The following DIAPH3 variants were observed in gnomAD, a reference collection of about 807,000 sequenced individuals.
DIAPH3 encodes protein diaphanous homolog 3.
In DIAPH3, 117 loss-of-function variants were observed where a neutral mutation model predicts 144.3. That is an observed-to-expected ratio of 0.81 (90% CI 0.70 to 0.95). The LOEUF (loss-of-function observed/expected upper bound fraction) is 0.95, where lower values mean the gene tolerates loss of function less well. DIAPH3 is among the 40% of genes least tolerant of loss of function. DIAPH3 has a pLI of 0.00. For missense variants in DIAPH3, 1,421 were observed against 1,412.7 expected (o/e 1.01, Z -0.09); for synonymous variants, 519 against 488.9 (o/e 1.06, Z -0.81).
chr13:59,740,103 C>T (rs1348633934), intron 27 of DIAPH3, among the ~76,000 whole-genome samples: 1 of 152,158 alleles, frequency 6.6e-6, no homozygotes, highest in Non-Finnish European at 1.5e-5. Flanking sequence ...AGCAGATATA[C>T]ACCATTCACA....
intron 14 of DIAPH3, among the ~76,000 whole-genome samples, chr13:59,980,183 G>T (rs2050911369): frequency 6.6e-6 from 1 of 151,548 alleles, no homozygotes; most frequent in East Asian, 1.9e-4. Flanking sequence ...AAACAAAACT[G>T]GTTTTGTTTG....
intron 27 of DIAPH3, among the ~76,000 whole-genome samples, chr13:59,717,270 T>C (rs1334693043): frequency 6.6e-6 from 1 of 152,228 alleles, no homozygotes; most frequent in Non-Finnish European, 1.5e-5. Flanking sequence ...GAATAGTATC[T>C]ATACATACCG....
At chr13:59,734,655 C>G (rs2036049444) in intron 27 of DIAPH3, among the ~76,000 whole-genome samples, 1 of 152,204 alleles carries the variant, frequency 6.6e-6, no homozygotes, top group Admixed American at 6.5e-5. Flanking sequence ...CAAAACCTGT[C>G]TGCTTTCAGT....
intron 4 of DIAPH3, among the ~76,000 whole-genome samples, chr13:60,063,129 G>C (rs1444960311): frequency 1.3e-5 from 2 of 152,156 alleles, no homozygotes; most frequent in Non-Finnish European, 2.9e-5. Flanking sequence ...TATCAACTAA[G>C]CTTATGGAAG....
Position 59,861,640 on chromosome 13 carries a change from T to A in DIAPH3, c.2608-104A>T, listed in dbSNP as rs79069347. On this transcript the variant is annotated intron_variant, in intron 21 of 27. Coordinates refer to ENST00000400324, the MANE Select transcript of DIAPH3 (RefSeq NM_001042517.2). Reference sequence around the variant, plus strand: ...GTATTTTGTAGATAAGGACTAAAAGTTGTAAAATTAGTTGATTTCGTTTTT... The same window carrying A: ...GTATTTTGTAGATAAGGACTAAAAGATGTAAAATTAGTTGATTTCGTTTTT... 4.0e-3 allele frequency: 5,046 copies of A among 1,270,198 alleles called. 50 individuals are homozygous for A. The highest frequency in any genetic ancestry group is 0.039 in the East Asian group (1,604 of 41,030). 78.7% of individuals were successfully genotyped at this position (1,270,198 alleles called of 1,614,324 possible). A position where few individuals can be genotyped will look rare whatever the true frequency, so the allele number is the denominator to read the frequency against.
At chr13:59,740,835 G>A (rs920859342) in intron 27 of DIAPH3, among the ~76,000 whole-genome samples, 1 of 152,166 alleles carries the variant, frequency 6.6e-6, no homozygotes, top group African/African-American at 2.4e-5. Context: ...GTCAGGAAAT[G>A]AGGAAATAAA....
chr13:59,850,319 C>T (rs1275534459), intron 22 of DIAPH3, among the ~76,000 whole-genome samples: 2 of 150,260 alleles, frequency 1.3e-5, no homozygotes, highest in Non-Finnish European at 3.0e-5. Flanking sequence ...ATTTCCTTCT[C>T]CTGCCTGATT....
intron 22 of DIAPH3, among the ~76,000 whole-genome samples, chr13:59,854,956 T>C (rs879442797): frequency 1.3e-5 from 2 of 152,200 alleles, no homozygotes; most frequent in East Asian, 1.9e-4. Context: ...CCACAGCAGA[T>C]TCAGGAAATG....
chr13:60,111,616 C>T (rs2058570015), intron 3 of DIAPH3, among the ~76,000 whole-genome samples: 1 of 152,206 alleles, frequency 6.6e-6, no homozygotes, highest in Non-Finnish European at 1.5e-5. Flanking sequence ...TAACTAATGC[C>T]TGATGATGTG....
chr13:59,968,690 G>C lies in DIAPH3; in HGVS notation c.2074+1254C>G, dbSNP rs1432167853. On this transcript the variant is annotated intron_variant, in intron 17 of 27. Transcript: ENST00000400324. ...TTAATTTACAATTACCTTTTGGAGAGAGTTTCTAATTTACATTAATAATTT... is the reference window on the plus strand; with the variant it reads ...TTAATTTACAATTACCTTTTGGAGACAGTTTCTAATTTACATTAATAATTT... Among the ~76,000 whole-genome samples, 3 of 152,274 alleles carry C rather than the reference G, an allele frequency of 2.0e-5. No homozygotes were observed. In the East Asian group the frequency reaches 5.8e-4, roughly 29 times the overall value.
At chr13:59,790,711 G>A (rs549570938) in intron 25 of DIAPH3, among the ~76,000 whole-genome samples, 1 of 152,148 alleles carries the variant, frequency 6.6e-6, no homozygotes, top group South Asian at 2.1e-4. Flanking sequence ...AGTGAAAATT[G>A]GTGAAGAAAA....
At chr13:59,994,257 A>G (rs2052042992) in intron 9 of DIAPH3, among the ~76,000 whole-genome samples, 1 of 151,944 alleles carries the variant, frequency 6.6e-6, no homozygotes. Context: ...TCATGCAAAC[A>G]TGTCTGTGAA....
At chr13:60,148,598 GGAAA>G (rs1334873209) in intron 1 of DIAPH3, among the ~76,000 whole-genome samples, 1 of 152,118 alleles carries the variant, frequency 6.6e-6, no homozygotes, top group Non-Finnish European at 1.5e-5. Flanking sequence ...GAGATTACTT[GGAAA>G]GACTCATTTT....
At chr13:59,912,852 C>T (rs544553342) in intron 19 of DIAPH3, among the ~76,000 whole-genome samples, 4 of 151,884 alleles carry the variant, frequency 2.6e-5, no homozygotes, top group Non-Finnish European at 5.9e-5. Flanking sequence ...ACATCAAAAT[C>T]AATTAGATCA....
intron 4 of DIAPH3, among the ~76,000 whole-genome samples, chr13:60,090,279 A>T (rs370371051): frequency 4.6e-5 from 7 of 152,064 alleles, no homozygotes; most frequent in Non-Finnish European, 1.0e-4. Flanking sequence ...AATTGTAATC[A>T]TTCTTCCTAA....
chr13:59,981,607 A>G (rs2051024184), intron 13 of DIAPH3, among the ~76,000 whole-genome samples: 1 of 151,280 alleles, frequency 6.6e-6, no homozygotes, highest in African/African-American at 2.4e-5. Context: ...ACAATGTAGA[A>G]GTAATTCATA....
At chr13:59,684,395 G>T (rs2033108722) in intron 27 of DIAPH3, among the ~76,000 whole-genome samples, 1 of 152,180 alleles carries the variant, frequency 6.6e-6, no homozygotes, top group Admixed American at 6.6e-5. Context: ...AGATCAGAGG[G>T]TGTTGTATTA....
chr13:60,061,710 A>C (rs989229843), intron 4 of DIAPH3, among the ~76,000 whole-genome samples: 1 of 151,946 alleles, frequency 6.6e-6, no homozygotes, highest in African/African-American at 2.4e-5. Context: ...TTTTCCTCTT[A>C]ATAGACGCTA....
intron 18 of DIAPH3, among the ~76,000 whole-genome samples, chr13:59,921,899 A>T (rs2047536684): frequency 6.6e-6 from 1 of 152,112 alleles, no homozygotes; most frequent in Non-Finnish European, 1.5e-5. Context: ...GGATGGTTCA[A>T]AACATGCAAA....
Sources: allele counts gnomAD v4.1 joint callset (sites outside exome capture counted in the v4.1 genomes callset), GRCh38; gene constraint gnomAD v4.1.1; transcripts MANE v1.5; gene names NCBI Gene and HGNC (gene_info 2026-07-23, HGNC 2026-07-21).